ANKRD30B: variants seen among roughly 807,000 people sequenced by gnomAD.
ANKRD30B encodes the protein ankyrin repeat domain 30B.
Under a neutral mutation model 202.2 loss-of-function variants are expected in ANKRD30B, and 144 were observed. That is an observed-to-expected ratio of 0.71 (90% CI 0.62 to 0.82). The LOEUF is 0.82. Among genes scored for constraint, ANKRD30B ranks in the 40% least tolerant of loss-of-function variants. The probability of loss-of-function intolerance (pLI) is 0.00; values close to 1 mark genes in which losing one functional copy is unlikely to be tolerated. For missense variants in ANKRD30B, 1,487 were observed against 1,669.1 expected (o/e 0.89, Z 1.90); for synonymous variants, 508 against 561.3 (o/e 0.91, Z 1.34).
intron 20 of ANKRD30B, 120 bp from the exon 21 acceptor site, chr18:14,798,981 T>C: frequency 1.9e-6 from 2 of 1,080,360 alleles, no homozygotes; most frequent in Non-Finnish European, 1.4e-6. Flanking sequence ...CAAAACCTAG[T>C]GTAATCCCTT....
intron 15 of ANKRD30B, among the ~76,000 whole-genome samples, chr18:14,790,106 G>A (rs776800143): frequency 3.9e-5 from 6 of 152,030 alleles, no homozygotes; most frequent in South Asian, 2.1e-4. Context: ...GGTCCTTCAT[G>A]TCCCTTGTAA....
chr18:14,854,571 A>G lies in ANKRD30B; in HGVS notation c.*413A>G, dbSNP rs116096486. Among the ~76,000 whole-genome samples, 1 of 152,330 alleles carries G rather than the reference A, an allele frequency of 6.6e-6. No individual in the cohort carries two copies. The highest frequency in any genetic ancestry group is 2.4e-5 in the African/African-American group (1 of 41,570). The stretch of plus-strand genomic sequence containing the variant: ...CACAATGGACTGCAGAGTGTCATAC[A>G]TAGTTTTCAGTAAAATACTGGACAA... On this transcript the variant is annotated 3_prime_UTR_variant, in exon 44 of 44. Coordinates refer to ENST00000690538, the MANE Select transcript of ANKRD30B (RefSeq NM_001367607.2).
chr18:14,931,155 A>G, the ANKRD30B span, among the ~76,000 whole-genome samples: 1 of 152,204 alleles, frequency 6.6e-6, no homozygotes, highest in African/African-American at 2.4e-5. Flanking sequence ...GTCTTTAGTG[A>G]CAGGGGATGC....
At chr18:14,874,879 C>T in the ANKRD30B span, among the ~76,000 whole-genome samples, 2 of 152,186 alleles carry the variant, frequency 1.3e-5, no homozygotes, top group African/African-American at 4.8e-5. Context: ...TTGTTTTACG[C>T]ATTCCAAGAT....
chr18:14,866,356 T>C, the ANKRD30B span, among the ~76,000 whole-genome samples: 83,673 of 151,252 alleles, frequency 0.55, 23,427 homozygotes, highest in African/African-American at 0.65. Flanking sequence ...GGTAGGAGGG[T>C]GGCCTGAGTG....
Position 14,791,415 on chromosome 18 carries a change from G to T in ANKRD30B, c.1749G>T (p.Thr583=), listed in dbSNP as rs373237441. The T allele has an allele frequency of 1.9e-5, 31 of 1,606,672 alleles. No homozygotes were observed. Among genetic ancestry groups the T allele is most frequent in the Non-Finnish European group, 2.6e-5 (31 of 1,177,170 alleles). The change falls in exon 16 of 44, where the codon ACG becomes ACT. Residue 583 remains threonine, a synonymous_variant. Transcript: ENST00000690538. ...NSWDSESPCE[T]VSQKDVYLPK... ...ACTTTTAACAGAGTCCCTGTGAGAC[G>T]GTTTCACAGAAGGATGTGTATTTAC...
chr18:14,900,085 A>G, the ANKRD30B span, among the ~76,000 whole-genome samples: 1 of 152,174 alleles, frequency 6.6e-6, no homozygotes, highest in Non-Finnish European at 1.5e-5. Context: ...AGTTGAAAAA[A>G]GATTACAGTA....
chr18:14,935,607 T>A, the ANKRD30B span, among the ~76,000 whole-genome samples: 11 of 152,228 alleles, frequency 7.2e-5, no homozygotes, highest in African/African-American at 2.7e-4. Context: ...TGCAAATGTG[T>A]GTGTGTGCAT....
intron 11 of ANKRD30B, 141 bp downstream of exon 11, chr18:14,780,162 T>C (rs1967632572): frequency 1.4e-6 from 1 of 697,550 alleles, no homozygotes. Flanking sequence ...AAAACATACT[T>C]GGCTGGGTAC....
chr18:14,760,735 C>T, intron 6 of ANKRD30B, 117 bp downstream of exon 6: 4 of 655,316 alleles, frequency 6.1e-6, no homozygotes, highest in South Asian at 1.9e-5. Flanking sequence ...TACATATATA[C>T]ATATATGTGG....
the ANKRD30B span, among the ~76,000 whole-genome samples, chr18:14,886,554 T>C: frequency 1.5e-4 from 23 of 152,248 alleles, no homozygotes; most frequent in East Asian, 1.9e-4. Context: ...TATAACTCCA[T>C]AGACAAAGAG....
chr18:14,933,250 C>T, the ANKRD30B span, among the ~76,000 whole-genome samples: 11 of 152,310 alleles, frequency 7.2e-5, no homozygotes, highest in African/African-American at 2.6e-4. Context: ...GTCCAGCCCA[C>T]CAGGACCACT....
rs1913693748 is a variant in ANKRD30B at position 14,752,905 on chromosome 18, G to A, written c.403G>A (p.Val135Ile). Residue 135 changes from valine to isoleucine, a missense_variant, in exon 3 of 44, where the codon GTA becomes ATA. Coordinates refer to ENST00000690538, the MANE Select transcript of ANKRD30B (RefSeq NM_001367607.2). ...LIDAGADLNY[V>I]DVYGNTALHY... ...AGATGCTGGTGCTGATCTAAATTAT[G>A]TAGATGTGTATGGCAACACGGCTCT... 6.2e-7 allele frequency: 1 copy of A among 1,606,258 alleles called. No individual in the cohort carries two copies. The highest frequency in any genetic ancestry group is 8.5e-7 in the Non-Finnish European group (1 of 1,175,740).
chr18:14,845,462 A>T (rs1971598283), intron 39 of ANKRD30B, among the ~76,000 whole-genome samples: 2 of 151,824 alleles, frequency 1.3e-5, no homozygotes, highest in African/African-American at 2.4e-5. Context: ...CATAAATTTT[A>T]TAATATTACC....
chr18:14,783,141 G>A (rs1967864174), intron 12 of ANKRD30B, among the ~76,000 whole-genome samples: 1 of 152,066 alleles, frequency 6.6e-6, no homozygotes, highest in African/African-American at 2.4e-5. Flanking sequence ...ATGCAGAATT[G>A]TATTTTATTT....
the ANKRD30B span, among the ~76,000 whole-genome samples, chr18:14,896,206 A>G: frequency 1.3e-5 from 2 of 149,204 alleles, no homozygotes. Context: ...ATCTCGGTTC[A>G]CTGCAAGCTC....
At chr18:14,930,842 T>G in the ANKRD30B span, among the ~76,000 whole-genome samples, 1 of 152,228 alleles carries the variant, frequency 6.6e-6, no homozygotes. Context: ...GCATTTGCCT[T>G]GAATGCTCTG....
Position 14,848,889 on chromosome 18 carries a change from A to G in ANKRD30B, c.3355A>G (p.Asn1119Asp), listed in dbSNP as rs756747845. Reference protein sequence around the residue: ...EAKEIKSQLENQKAKWEQELC... With the variant: ...EAKEIKSQLEDQKAKWEQELC... ...GAAAGAAATAAAATCACAGTTAGAG[A>G]ACCAAAAAGCTAAATGGGAACAAGA... Residue 1119 changes from asparagine to aspartate, a missense_variant, in exon 40 of 44, where the codon AAC becomes GAC. Around this residue, in one of 6 missense-constraint regions of ANKRD30B, gnomAD observed 177 missense variants for 216.4 expected, o/e 0.82. Coordinates refer to ENST00000690538, the MANE Select transcript of ANKRD30B (RefSeq NM_001367607.2). 6.3e-7 allele frequency: 1 copy of G among 1,599,512 alleles called. No individual in the cohort carries two copies. The highest frequency in any genetic ancestry group is 1.7e-5 in the Admixed American group (1 of 57,240).
chr18:14,856,410 T>A (rs1170451684), downstream of ANKRD30B, among the ~76,000 whole-genome samples: 1 of 114,640 alleles, frequency 8.7e-6, no homozygotes, highest in African/African-American at 3.2e-5. Context: ...CGCTCTTCAC[T>A]TCCCAGAGGG....
Sources: gnomAD v4.1 joint callset for allele counts (sites outside exome capture counted in the v4.1 genomes callset) on GRCh38, gnomAD v4.1.1 for gene constraint, gnomAD v4.1.1 regional missense constraint, MANE v1.5 for transcripts, NCBI Gene and HGNC (gene_info 2026-07-23, HGNC 2026-07-21) for gene names.